TEX36: variants seen among roughly 807,000 people sequenced by gnomAD.
TEX36 encodes the protein testis expressed 36, also known as testis-expressed protein 36.
TEX36 carries 12 observed loss-of-function variants against 13.6 expected under a neutral mutation model. The ratio of observed to expected loss-of-function variants is 0.88; its 90% CI spans 0.56 to 1.43. The LOEUF (loss-of-function observed/expected upper bound fraction) is 1.43. TEX36 is among the 40% of genes most tolerant of loss of function. The pLI is 0.00. For synonymous variants in TEX36, 93 were observed against 83.0 expected (o/e 1.12, Z -0.65); for missense variants, 224 against 228.3 (o/e 0.98, Z 0.12).
At chr10:125,658,565 A>G (rs910265643) in intron 3 of TEX36, among the ~76,000 whole-genome samples, 10 of 152,072 alleles carry the variant, frequency 6.6e-5, no homozygotes, top group Non-Finnish European at 1.5e-4. Flanking sequence ...AACAGGGGGG[A>G]ATATATATTA....
rs1385085086 is a variant in TEX36, at chr10:125,613,936, A to G, written c.265-37062T>C. On this transcript the variant is annotated intron_variant, in intron 3 of 3. Transcript: ENST00000532135. ...TTCCAGTTTCTCCACATCCTCTCCA[A>G]CACCTGTTGTCTCCTGACTTTTTAA... is the stretch of plus-strand genomic sequence containing the variant. Among the ~76,000 whole-genome samples the G allele has an allele frequency of 3.9e-5, 6 of 152,032 alleles. No individual in the cohort carries two copies. The East Asian group carries it at 1.2e-3, about 29-fold the overall frequency.
chr10:125,665,880 C>G (rs1378938730), intron 1 of TEX36, among the ~76,000 whole-genome samples: 1 of 152,068 alleles, frequency 6.6e-6, no homozygotes, highest in Non-Finnish European at 1.5e-5. Flanking sequence ...TTTCTTTCAT[C>G]AATGTTTTAT....
chr10:125,612,265 G>C (rs939216935), intron 3 of TEX36, among the ~76,000 whole-genome samples: 1 of 138,880 alleles, frequency 7.2e-6, no homozygotes, highest in Non-Finnish European at 1.6e-5. Flanking sequence ...TGTATTTTTA[G>C]TAGAGATAGG....
downstream of TEX36, among the ~76,000 whole-genome samples, chr10:125,621,167 C>T (rs139751824): frequency 1.1e-4 from 17 of 152,294 alleles, no homozygotes; most frequent in Admixed American, 3.9e-4. Context: ...GATATATACA[C>T]TCTGAGTATA....
chr10:125,656,246 G>GTTT, intron 3 of TEX36, 50 bp from the exon 4 acceptor site: 11 of 432,886 alleles, frequency 2.5e-5, no homozygotes, highest in South Asian at 4.9e-5. Context: ...AGTTCACATA[G>GTTT]TTCTTTTTTT....
rs377726141 is a variant in TEX36, at chr10:125,656,049, A to C, written c.412T>G (p.Ser138Ala). The stretch of plus-strand genomic sequence containing the variant: ...CATCGTGGAAAGCGTCTGAAGCTTG[A>C]GACCACCATGGCTTCTTTATATACG... ...SYVYKEAMVV[S>A]SFRRFPRCYK... Residue 138 changes from serine to alanine, a missense_variant, in exon 4 of 4, where the codon TCA becomes GCA. By Grantham distance (99) the Ser-to-Ala change is moderately conservative (BLOSUM62 1). Coordinates refer to ENST00000368821, the MANE Select transcript of TEX36 (RefSeq NM_001128202.3). 65 of 1,551,876 alleles carry C rather than the reference A, an allele frequency of 4.2e-5. No homozygotes were observed. The highest frequency in any genetic ancestry group is 5.7e-5 in the Non-Finnish European group (65 of 1,147,064).
At chr10:125,657,227 T>C (rs1846961612) in intron 3 of TEX36, among the ~76,000 whole-genome samples, 1 of 152,172 alleles carries the variant, frequency 6.6e-6, no homozygotes, top group Non-Finnish European at 1.5e-5. Context: ...CAGCAGGAGA[T>C]GCAAGCCACA....
downstream of TEX36, among the ~76,000 whole-genome samples, chr10:125,619,763 G>A (rs1299370305): frequency 3.3e-5 from 5 of 151,768 alleles, no homozygotes; most frequent in African/African-American, 7.3e-5. Flanking sequence ...CACCATATTG[G>A]CCAGGCTGGT....
Position 125,607,969 on chromosome 10 carries a change from A to C in TEX36, c.265-31095T>G, listed in dbSNP as rs188909041. On this transcript the variant is annotated intron_variant, in intron 3 of 3. Transcript: ENST00000532135. ...CAGGTGCCATCACCTTCTTCCATGC[A>C]TGAAATGATGGTTTAATGAGTACCT... 3.4e-4 allele frequency among the ~76,000 whole-genome samples: 52 copies of C among 152,288 alleles called. 1 individual carries two copies. The highest frequency in any genetic ancestry group is 1.3e-3 in the African/African-American group (52 of 41,550).
chr10:125,668,091 G>A (rs936766518), intron 1 of TEX36: 20 of 594,394 alleles, frequency 3.4e-5, no homozygotes, highest in Non-Finnish European at 4.2e-5. Context: ...ACAGAGTGTG[G>A]TTGGGGCACC....
At chr10:125,672,852 T>A (rs552237816) in intron 1 of TEX36, among the ~76,000 whole-genome samples, 1 of 152,348 alleles carries the variant, frequency 6.6e-6, no homozygotes, top group East Asian at 1.9e-4. Context: ...GCTCTTCTTG[T>A]TGAATTGATC....
chr10:125,650,387 CTGAATGACTACTGGG>C, intron 3 of TEX36, among the ~76,000 whole-genome samples: 1 of 152,154 alleles, frequency 6.6e-6, no homozygotes, highest in Non-Finnish European at 1.5e-5. Flanking sequence ...CAACCTGCTC[CTGAATGACTACTGGG>C]TACATAACGA....
chr10:125,673,522 T>G (rs1465140523), intron 1 of TEX36, among the ~76,000 whole-genome samples: 1 of 151,720 alleles, frequency 6.6e-6, no homozygotes, highest in Non-Finnish European at 1.5e-5. Flanking sequence ...ACCAGCCTGG[T>G]CAACATGGTG....
At chr10:125,588,494 G>A (rs1845984514) in intron 3 of TEX36, among the ~76,000 whole-genome samples, 1 of 152,198 alleles carries the variant, frequency 6.6e-6, no homozygotes, top group Non-Finnish European at 1.5e-5. Flanking sequence ...GAAGACCTCA[G>A]GAAGCTTCCA....
chr10:125,583,043 C>G lies in TEX36; in HGVS notation c.265-6169G>C, dbSNP rs373049376. Among the ~76,000 whole-genome samples the G allele has an allele frequency of 2.0e-5, 3 of 152,192 alleles. No individual in the cohort carries two copies. The East Asian group carries it at 5.8e-4, about 29-fold the overall frequency. On this transcript the variant is annotated intron_variant, in intron 3 of 3. Transcript: ENST00000532135. ...TTAAGAAACTAGGAGATGGTCCTAT[C>G]CTACCACACAATCAGAAATGGAAAA... is the stretch of plus-strand genomic sequence containing the variant.
chr10:125,634,541 T>C (rs1005543734), intron 3 of TEX36, among the ~76,000 whole-genome samples: 1 of 152,180 alleles, frequency 6.6e-6, no homozygotes, highest in Non-Finnish European at 1.5e-5. Context: ...ATTAAATAAA[T>C]AACAAAAGGG....
intron 3 of TEX36, among the ~76,000 whole-genome samples, chr10:125,598,568 G>C (rs1846108746): frequency 6.6e-6 from 1 of 152,154 alleles, no homozygotes; most frequent in Non-Finnish European, 1.5e-5. Context: ...TGCCAAGCCG[G>C]CCTAATTTTC....
chr10:125,616,583 A>T, intron 3 of TEX36, among the ~76,000 whole-genome samples: 1 of 95,840 alleles, frequency 1.0e-5, no homozygotes. Flanking sequence ...GTTTCCATGT[A>T]GTTGAGCGGT....
intron 3 of TEX36, among the ~76,000 whole-genome samples, chr10:125,589,446 T>A (rs1248566757): frequency 1.3e-5 from 2 of 152,236 alleles, no homozygotes; most frequent in Non-Finnish European, 2.9e-5. Context: ...AGGGGAAGGC[T>A]CCTAGCATTT....
Sources: gnomAD v4.1 joint callset for allele counts (sites outside exome capture counted in the v4.1 genomes callset) on GRCh38, gnomAD v4.1.1 for gene constraint, MANE v1.5 for transcripts, NCBI Gene and HGNC (gene_info 2026-07-23, HGNC 2026-07-21) for gene names.